HS6ST3: variants seen among roughly 807,000 people sequenced by gnomAD.
HS6ST3 encodes the protein heparan-sulfate 6-O-sulfotransferase 3.
HS6ST3 carries 12 observed loss-of-function variants against 36.7 expected under a neutral mutation model. The observed-to-expected ratio is 0.33, with a 90% CI of 0.21 to 0.53. The LOEUF (loss-of-function observed/expected upper bound fraction) is 0.53. HS6ST3 is among the 20% of genes least tolerant of loss of function. The probability of loss-of-function intolerance (pLI) is 0.95; values close to 1 mark genes in which losing one functional copy is unlikely to be tolerated. For synonymous variants in HS6ST3, 240 were observed against 257.5 expected (o/e 0.93, Z 0.65); for missense variants, 584 against 640.9 (o/e 0.91, Z 0.96).
At position 96,684,073 on chromosome 13, in the gene HS6ST3, G is replaced by A. The variant is rs75051859; in HGVS notation, c.708-148417G>A. On this transcript the variant is annotated intron_variant, in intron 1 of 1. Transcript: ENST00000376705. ...TTGTAGTTTAGGGGAAAGAAGTTTT[G>A]GGTGGCGTAGACTAACACTGATTTC... Among the ~76,000 whole-genome samples, 397 of 152,074 alleles carry A rather than the reference G, an allele frequency of 2.6e-3. 2 individuals are homozygous for A. The East Asian group carries it at 0.05, about 19-fold the overall frequency.
At chr13:96,699,421 C>A (rs148972172) in intron 1 of HS6ST3, among the ~76,000 whole-genome samples, 2,271 of 152,250 alleles carry the variant, frequency 0.015, 54 homozygotes, top group African/African-American at 0.051. Context: ...ACAACCCCAT[C>A]AACAAGTGGG....
chr13:96,177,953 G>A (rs1161343227), intron 1 of HS6ST3, among the ~76,000 whole-genome samples: 1 of 152,114 alleles, frequency 6.6e-6, no homozygotes, highest in Non-Finnish European at 1.5e-5. Flanking sequence ...ATTCAACACT[G>A]AGTGATGATA....
chr13:96,723,950 A>T (rs1729714240), intron 1 of HS6ST3, among the ~76,000 whole-genome samples: 1 of 151,886 alleles, frequency 6.6e-6, no homozygotes, highest in East Asian at 1.9e-4. Flanking sequence ...CCTCTCTTCC[A>T]ACTTCTTCAT....
chr13:96,173,823 CTT>C (rs2054199999), intron 1 of HS6ST3, among the ~76,000 whole-genome samples: 1 of 21,798 alleles, frequency 4.6e-5, no homozygotes, highest in African/African-American at 2.8e-4. Flanking sequence ...CTTAATTTCT[CTT>C]TGTGTGTGTG....
chr13:96,418,705 T>C (rs1326560447), intron 1 of HS6ST3, among the ~76,000 whole-genome samples: 1 of 152,148 alleles, frequency 6.6e-6, no homozygotes, highest in Non-Finnish European at 1.5e-5. Flanking sequence ...GGAGAGGAAA[T>C]GTTGGAAGAG....
chr13:96,801,193 C>T (rs1028880923), intron 1 of HS6ST3, among the ~76,000 whole-genome samples: 7 of 152,122 alleles, frequency 4.6e-5, no homozygotes, highest in African/African-American at 1.7e-4. Flanking sequence ...GCTGCTCCAT[C>T]TCTGTGTCCT....
At chr13:96,533,259 G>A (rs1423345692) in intron 1 of HS6ST3, among the ~76,000 whole-genome samples, 2 of 152,016 alleles carry the variant, frequency 1.3e-5, no homozygotes, top group Non-Finnish European at 2.9e-5. Context: ...GAGTTATTTG[G>A]ACCCTCCTAA....
At position 96,330,732 on chromosome 13, in the gene HS6ST3, C is replaced by T. The variant is rs1322788140; in HGVS notation, c.707+239163C>T. Among the ~76,000 whole-genome samples the T allele has an allele frequency of 2.7e-5, 4 of 150,362 alleles. No individual in the cohort carries two copies. In the East Asian group the frequency reaches 7.8e-4, roughly 29 times the overall value. ...TTCCTGAATCTGAACGTTGGCCTACCTTGCTAGATTGGGGAAGTTCTCCTG... is the reference window on the plus strand; with the variant it reads ...TTCCTGAATCTGAACGTTGGCCTACTTTGCTAGATTGGGGAAGTTCTCCTG... On this transcript the variant is annotated intron_variant, in intron 1 of 1. Coordinates refer to ENST00000376705, the MANE Select transcript of HS6ST3 (RefSeq NM_153456.4).
chr13:96,273,912 C>T (rs889807972), intron 1 of HS6ST3, among the ~76,000 whole-genome samples: 42 of 142,812 alleles, frequency 2.9e-4, no homozygotes, highest in African/African-American at 1.1e-3. Context: ...GGCTTCCCTC[C>T]CTTCCTTCCT....
At chr13:96,722,494 C>T (rs774973006) in intron 1 of HS6ST3, among the ~76,000 whole-genome samples, 24 of 152,054 alleles carry the variant, frequency 1.6e-4, no homozygotes, top group Admixed American at 5.2e-4. Context: ...CCCCCGGGGT[C>T]GTGACTCTTA....
At chr13:96,442,096 G>A (rs372927189) in intron 1 of HS6ST3, among the ~76,000 whole-genome samples, 26 of 151,172 alleles carry the variant, frequency 1.7e-4, no homozygotes, top group Admixed American at 1.4e-3. Flanking sequence ...ACCATGGCTC[G>A]TTGCAGCCTT....
chr13:96,304,697 TTCTTTCTTTCTTTC>T (rs1206525075), intron 1 of HS6ST3, among the ~76,000 whole-genome samples: 25 of 96,222 alleles, frequency 2.6e-4, no homozygotes, highest in African/African-American at 1.2e-3. Flanking sequence ...CTTTCTTTCT[TTCTTTCTTTCTTTC>T]TTTTTTTTTT....
chr13:96,573,312 T>C (rs1004022005), intron 1 of HS6ST3, among the ~76,000 whole-genome samples: 2 of 152,212 alleles, frequency 1.3e-5, no homozygotes, highest in Non-Finnish European at 2.9e-5. Context: ...ACTTTTATTT[T>C]AGGTAAAGAG....
chr13:96,316,360 A>T (rs1185450011), intron 1 of HS6ST3, among the ~76,000 whole-genome samples: 1 of 152,060 alleles, frequency 6.6e-6, no homozygotes, highest in Non-Finnish European at 1.5e-5. Flanking sequence ...AAGGGCTTCA[A>T]AACGAAGAAT....
chr13:96,392,341 A>T (rs900082141), intron 1 of HS6ST3, among the ~76,000 whole-genome samples: 9 of 152,212 alleles, frequency 5.9e-5, no homozygotes, highest in Non-Finnish European at 1.0e-4. Flanking sequence ...ACCAGTAATT[A>T]TGGTCAGAGA....
At chr13:96,239,852 G>A (rs998786634) in intron 1 of HS6ST3, among the ~76,000 whole-genome samples, 1 of 152,034 alleles carries the variant, frequency 6.6e-6, no homozygotes, top group Non-Finnish European at 1.5e-5. Context: ...TATCTAAGTG[G>A]AATACTGGTA....
intron 1 of HS6ST3, among the ~76,000 whole-genome samples, chr13:96,722,832 C>A (rs1453113500): frequency 6.6e-6 from 1 of 152,086 alleles, no homozygotes; most frequent in South Asian, 2.1e-4. Flanking sequence ...CAAAAATTAG[C>A]TGGGCATGGT....
At chr13:96,293,803 G>A (rs913815070) in intron 1 of HS6ST3, among the ~76,000 whole-genome samples, 3 of 152,192 alleles carry the variant, frequency 2.0e-5, no homozygotes, top group Non-Finnish European at 4.4e-5. Context: ...GATGCACAAA[G>A]GGAGAGGCTG....
chr13:96,368,131 C>G (rs1423096756), intron 1 of HS6ST3, among the ~76,000 whole-genome samples: 1 of 152,198 alleles, frequency 6.6e-6, no homozygotes, highest in Non-Finnish European at 1.5e-5. Flanking sequence ...TTGCTTTTCT[C>G]AGACCCTGTG....
Sources: allele counts gnomAD v4.1 joint callset (sites outside exome capture counted in the v4.1 genomes callset), GRCh38; gene constraint gnomAD v4.1.1; transcripts MANE v1.5; gene names NCBI Gene and HGNC (gene_info 2026-07-23, HGNC 2026-07-21).